SORCS3: variants seen among roughly 807,000 people sequenced by gnomAD.
SORCS3 encodes the protein VPS10 domain-containing receptor SorCS3.
Under a neutral mutation model 146.3 loss-of-function variants are expected in SORCS3, and 57 were observed. The ratio of observed to expected loss-of-function variants is 0.39; its 90% CI spans 0.31 to 0.49. The LOEUF is 0.49. Among genes scored for constraint, SORCS3 ranks in the 20% least tolerant of loss-of-function variants. The probability of loss-of-function intolerance (pLI) is 0.92; values close to 1 mark genes in which losing one functional copy is unlikely to be tolerated. For missense variants in SORCS3, 1,341 were observed against 1,575.5 expected (o/e 0.85, Z 2.52); for synonymous variants, 653 against 618.5 (o/e 1.06, Z -0.83).
intron 1 of SORCS3, among the ~76,000 whole-genome samples, chr10:104,813,539 A>ACCGTAGCCT (rs2017762482): frequency 6.6e-6 from 1 of 152,096 alleles, no homozygotes; most frequent in Non-Finnish European, 1.5e-5. Context: ...TCATTTCCTT[A>ACCGTAGCCT]CCGTAGCCTT....
At chr10:104,969,336 TGTGTGC>T (rs1207602156) in intron 3 of SORCS3, among the ~76,000 whole-genome samples, 2 of 148,432 alleles carry the variant, frequency 1.3e-5, no homozygotes, top group African/African-American at 2.6e-5. Flanking sequence ...TGTGTGTGTG[TGTGTGC>T]GCGCGCGCGT....
At chr10:104,681,070 C>T (rs2015967362) in intron 1 of SORCS3, among the ~76,000 whole-genome samples, 1 of 152,220 alleles carries the variant, frequency 6.6e-6, no homozygotes, top group Admixed American at 6.5e-5. Context: ...GACCAGCTTG[C>T]GCATGCGCTT....
intron 14 of SORCS3, among the ~76,000 whole-genome samples, chr10:105,184,979 C>G (rs1050982894): frequency 6.6e-6 from 1 of 152,178 alleles, no homozygotes; most frequent in African/African-American, 2.4e-5. Flanking sequence ...TCACCTCCTC[C>G]TGCCCCTGGC....
At chr10:105,172,738 T>G (rs1488678256) in intron 13 of SORCS3, among the ~76,000 whole-genome samples, 1 of 152,192 alleles carries the variant, frequency 6.6e-6, no homozygotes, top group Non-Finnish European at 1.5e-5. Flanking sequence ...CTACACTTAT[T>G]AAAATTGAAC....
chr10:105,193,966 C>T (rs2119599385), intron 14 of SORCS3, among the ~76,000 whole-genome samples: 1 of 152,204 alleles, frequency 6.6e-6, no homozygotes, highest in Middle Eastern at 3.4e-3. Flanking sequence ...TTGTCAAATA[C>T]TCTCATGAAA....
chr10:104,847,486 A>C (rs2018218712), intron 2 of SORCS3, among the ~76,000 whole-genome samples: 1 of 152,152 alleles, frequency 6.6e-6, no homozygotes. Flanking sequence ...ACTGTTCATC[A>C]AGGGTCCCTG....
rs559157258 is a variant in SORCS3 at position 104,696,556 on chromosome 10, A to T, written c.627+54602A>T. On this transcript the variant is annotated intron_variant, in intron 1 of 26. Coordinates refer to ENST00000369701, the MANE Select transcript of SORCS3 (RefSeq NM_014978.3). ...ATTATATACATATATAATATAGAAT[A>T]TATAATATACGTATATAATATATAA... 6.1e-3 allele frequency among the ~76,000 whole-genome samples: 182 copies of T among 29,716 alleles called. 12 individuals are homozygous for T. The highest frequency in any genetic ancestry group is 0.017 in the African/African-American group (167 of 9,624). 19.5% of individuals were successfully genotyped at this position (29,716 alleles called of 152,430 possible). A position where few individuals can be genotyped will look rare whatever the true frequency, so the allele number is the denominator to read the frequency against.
intron 4 of SORCS3, among the ~76,000 whole-genome samples, chr10:105,017,293 G>C (rs2055174108): frequency 6.6e-6 from 1 of 152,164 alleles, no homozygotes; most frequent in Non-Finnish European, 1.5e-5. Flanking sequence ...TAGGGGGGCA[G>C]TTGTGTTTAA....
intron 1 of SORCS3, among the ~76,000 whole-genome samples, chr10:104,761,288 G>A (rs2017119308): frequency 6.6e-6 from 1 of 152,158 alleles, no homozygotes; most frequent in Non-Finnish European, 1.5e-5. Flanking sequence ...TAAAAAGTCA[G>A]CAGAGGCACT....
chr10:104,679,871 A>G (rs905185194), intron 1 of SORCS3, among the ~76,000 whole-genome samples: 20 of 152,216 alleles, frequency 1.3e-4, no homozygotes, highest in African/African-American at 4.6e-4. Context: ...TCAAGATCCA[A>G]CACTTTAAGC....
At chr10:105,223,070 C>T (rs1368520721) in intron 19 of SORCS3, 46 bp from the exon 20 acceptor site, 2 of 1,551,010 alleles carry the variant, frequency 1.3e-6, no homozygotes, top group African/African-American at 2.7e-5. Flanking sequence ...TACAGTTTGA[C>T]CACATCCAGA....
chr10:104,841,871 G>A (rs982798495), intron 1 of SORCS3, among the ~76,000 whole-genome samples: 15 of 152,296 alleles, frequency 9.8e-5, no homozygotes, highest in African/African-American at 2.9e-4. Flanking sequence ...ATTATCACGC[G>A]TGCAGGCAGG....
rs1340072110 is a variant in SORCS3 at position 105,147,583 on chromosome 10, T to A, written c.1303-34T>A. 7 of 1,573,742 alleles carry A rather than the reference T, an allele frequency of 4.4e-6. No homozygotes were observed. The African/African-American group carries it at 6.8e-5, about 15-fold the overall frequency. On this transcript the variant is annotated intron_variant, in intron 8 of 26. Transcript: ENST00000369701. ...CCCAATGGGCAGAGAGATATGGAGA[T>A]CTGCTGCCTTACAAGCCTTCCATCT...
At chr10:105,169,063 C>T (rs2056338219) in intron 13 of SORCS3, among the ~76,000 whole-genome samples, 1 of 152,132 alleles carries the variant, frequency 6.6e-6, no homozygotes, top group African/African-American at 2.4e-5. Flanking sequence ...AAACCATTTA[C>T]ATGAATTATC....
chr10:104,951,786 G>C (rs1204141661), intron 3 of SORCS3, among the ~76,000 whole-genome samples: 1 of 152,142 alleles, frequency 6.6e-6, no homozygotes, highest in Non-Finnish European at 1.5e-5. Context: ...CTTTTATAGA[G>C]AAGTCACATC....
intron 1 of SORCS3, among the ~76,000 whole-genome samples, chr10:104,722,760 T>TTC (rs2016566294): frequency 6.6e-6 from 1 of 152,226 alleles, no homozygotes; most frequent in Non-Finnish European, 1.5e-5. Context: ...TCTGGTTTAT[T>TTC]TGCATAGAGG....
At chr10:105,220,608 A>G (rs1453153020) in intron 19 of SORCS3, among the ~76,000 whole-genome samples, 1 of 152,162 alleles carries the variant, frequency 6.6e-6, no homozygotes, top group Admixed American at 6.5e-5. Context: ...CTTTGAAGGT[A>G]AAAGGGTCCC....
At chr10:104,749,226 GGTGTGTGTGTGTGTGTGTGTGT>G (rs60550253) in intron 1 of SORCS3, among the ~76,000 whole-genome samples, 1 of 140,900 alleles carries the variant, frequency 7.1e-6, no homozygotes, top group East Asian at 2.1e-4. Context: ...CAAAGTATAG[GGTGTGTGTGTGTGTGTGTGTGT>G]GTGTGTGTGT....
chr10:104,774,267 C>G (rs745375854), intron 1 of SORCS3, among the ~76,000 whole-genome samples: 3 of 152,160 alleles, frequency 2.0e-5, no homozygotes, highest in Non-Finnish European at 2.9e-5. Context: ...CAGCCCTTCC[C>G]TGGGACAGCA....
Sources: gnomAD v4.1 joint callset for allele counts (sites outside exome capture counted in the v4.1 genomes callset) on GRCh38, gnomAD v4.1.1 for gene constraint, MANE v1.5 for transcripts, NCBI Gene and HGNC (gene_info 2026-07-23, HGNC 2026-07-21) for gene names.